PRKAR1A: variants seen among roughly 807,000 people sequenced by gnomAD.
PRKAR1A encodes protein kinase cAMP-dependent type I regulatory subunit alpha, also known as cAMP-dependent protein kinase type I-alpha regulatory subunit.
Under a neutral mutation model 52.0 loss-of-function variants are expected in PRKAR1A, and 3 were observed. That is an observed-to-expected ratio of 0.06 (90% CI 0.03 to 0.15). The LOEUF is 0.15. PRKAR1A is among the 10% of genes least tolerant of loss of function. PRKAR1A has a pLI of 1.00. For missense variants in PRKAR1A, 240 were observed against 477.4 expected, an observed-to-expected ratio of 0.50 and a Z score of 4.63; for synonymous variants, 188 against 168.4, an observed-to-expected ratio of 1.12 and a Z score of -0.90.
chr17:68,487,576 G>A, the PRKAR1A span, among the ~76,000 whole-genome samples: 1 of 152,140 alleles, frequency 6.6e-6, no homozygotes, highest in Non-Finnish European at 1.5e-5. Context: ...CAAGGCGGGT[G>A]GATTGCTTGA....
At chr17:68,522,079 G>A (rs1305955606) in intron 2 of PRKAR1A, among the ~76,000 whole-genome samples, 2 of 152,196 alleles carry the variant, frequency 1.3e-5, no homozygotes, top group East Asian at 1.9e-4. Context: ...TAGCTCTGCT[G>A]GGAGAAGTAT....
the PRKAR1A span, among the ~76,000 whole-genome samples, chr17:68,440,479 A>G: frequency 6.6e-6 from 1 of 152,144 alleles, no homozygotes; most frequent in South Asian, 2.1e-4. Flanking sequence ...GAACATTTGC[A>G]AAGCCTAGAA....
intron 11 of PRKAR1A, chr17:68,541,711 G>C (rs1436284450): frequency 5.3e-6 from 2 of 379,836 alleles, no homozygotes; most frequent in Admixed American, 8.0e-5. Flanking sequence ...CTCCCCACTA[G>C]ACCAAGGAGC....
At chr17:68,488,662 A>G in the PRKAR1A span, among the ~76,000 whole-genome samples, 2 of 150,132 alleles carry the variant, frequency 1.3e-5, no homozygotes, top group Non-Finnish European at 3.0e-5. Flanking sequence ...ACTGGGAGGC[A>G]GAGGTTGCAG....
At chr17:68,523,990 AAC>A (rs1353195389) in intron 4 of PRKAR1A, 24 bp from the exon 5 acceptor site, 1 of 1,613,084 alleles carries the variant, frequency 6.2e-7, no homozygotes, top group South Asian at 1.1e-5. Context: ...TGTGAAATGT[AAC>A]ACGAGGCCTT....
At chr17:68,543,195 T>C (rs2086387169) in intron 11 of PRKAR1A, among the ~76,000 whole-genome samples, 1 of 152,104 alleles carries the variant, frequency 6.6e-6, no homozygotes, top group African/African-American at 2.4e-5. Context: ...TCTAAAAAGC[T>C]TCTTGGAAGT....
chr17:68,433,407 G>A, the PRKAR1A span: 13 of 1,424,974 alleles, frequency 9.1e-6, no homozygotes, highest in Non-Finnish European at 1.3e-5. Context: ...CATGCCAGTA[G>A]AAGAGCCTAG....
the PRKAR1A span, among the ~76,000 whole-genome samples, chr17:68,432,221 G>A: frequency 1.5e-3 from 235 of 152,258 alleles, 1 homozygote; most frequent in Non-Finnish European, 1.8e-3. Flanking sequence ...GGGGGTGGGG[G>A]GAGACAAGGA....
the PRKAR1A span, among the ~76,000 whole-genome samples, chr17:68,415,702 A>G: frequency 6.6e-6 from 1 of 152,088 alleles, no homozygotes; most frequent in Admixed American, 6.5e-5. Context: ...TGGGAGCTCC[A>G]GTGTTAGGAG....
the PRKAR1A span, among the ~76,000 whole-genome samples, chr17:68,488,985 ATATT>A: frequency 2.7e-5 from 4 of 150,734 alleles, no homozygotes; most frequent in Non-Finnish European, 4.4e-5. Flanking sequence ...AATTTTTAAA[ATATT>A]TATTTTTTAT....
At chr17:68,426,112 C>A in the PRKAR1A span, 54 of 1,612,666 alleles carry the variant, frequency 3.3e-5, no homozygotes, top group Non-Finnish European at 4.5e-5. Flanking sequence ...ACACACTGGT[C>A]CCGTCGCAAA....
At chr17:68,450,163 C>CA in the PRKAR1A span, among the ~76,000 whole-genome samples, 108,194 of 151,820 alleles carry the variant, frequency 0.71, 38,990 homozygotes, top group Middle Eastern at 0.79. Flanking sequence ...GAAAATGCTA[C>CA]AAAAAAAACA....
chr17:68,509,159 AC>A (rs2085231823), upstream of PRKAR1A, among the ~76,000 whole-genome samples: 1 of 151,922 alleles, frequency 6.6e-6, no homozygotes, highest in Non-Finnish European at 1.5e-5. Context: ...GTATTGTTTC[AC>A]AAGCATTGTA....
In PRKAR1A at chr17:68,531,913, A is replaced by G. The variant is rs2085986619; in HGVS notation, c.*1464A>G. ...AAGGTAATGTAGGGTTATATTTGGG[A>G]GTGACTGCAAGCATTTTTCCATCTG... On this transcript the variant is annotated 3_prime_UTR_variant, in exon 11 of 11. Transcript: ENST00000589228. The G allele has an allele frequency of 6.6e-6, 7 of 1,061,078 alleles. No individual in the cohort carries two copies. The highest frequency in any genetic ancestry group is 8.0e-6 in the Non-Finnish European group (7 of 875,158). 65.7% of individuals were successfully genotyped at this position (1,061,078 alleles called of 1,614,324 possible). A position where few individuals can be genotyped will look rare whatever the true frequency, so the allele number is the denominator to read the frequency against.
upstream of PRKAR1A, among the ~76,000 whole-genome samples, chr17:68,511,453 C>T (rs1382092296): frequency 3.3e-5 from 5 of 152,172 alleles, no homozygotes; most frequent in African/African-American, 4.8e-5. Context: ...ATTAGTGCAG[C>T]TTGTCTGGAC....
chr17:68,444,453 A>C, the PRKAR1A span: 1 of 1,552,630 alleles, frequency 6.4e-7, no homozygotes, highest in Non-Finnish European at 8.9e-7. Flanking sequence ...GCACCAGGAC[A>C]TGAAATTTCA....
chr17:68,496,466 A>G, the PRKAR1A span, among the ~76,000 whole-genome samples: 1 of 152,362 alleles, frequency 6.6e-6, no homozygotes, highest in African/African-American at 2.4e-5. Context: ...GGCCACGTCC[A>G]GATAATCCAG....
chr17:68,529,561 C>T lies in PRKAR1A; in HGVS notation c.892-359C>T, dbSNP rs8068323. 7.4e-3 allele frequency among the ~76,000 whole-genome samples: 1,130 copies of T among 152,290 alleles called. 8 individuals are homozygous for T. The highest frequency in any genetic ancestry group is 0.025 in the African/African-American group (1,024 of 41,550). ...TTTGTGGACCATAGGGTTTCATTCG[C>T]AAAGTCTCAACTCTTGTCATAGTGC... On this transcript the variant is annotated intron_variant, in intron 9 of 10. Transcript: ENST00000589228.
intron 11 of PRKAR1A, among the ~76,000 whole-genome samples, chr17:68,543,115 T>A (rs1377168604): frequency 6.6e-6 from 1 of 152,158 alleles, no homozygotes; most frequent in Non-Finnish European, 1.5e-5. Context: ...TTCCTGTGAG[T>A]CACCTGGCAA....
Sources: gnomAD v4.1 joint callset for allele counts (sites outside exome capture counted in the v4.1 genomes callset) on GRCh38, gnomAD v4.1.1 for gene constraint, MANE v1.5 for transcripts, NCBI Gene and HGNC (gene_info 2026-07-23, HGNC 2026-07-21) for gene names.